Variants in TBCD observed in about 807,000 individuals in gnomAD.
TBCD encodes the protein tubulin folding cofactor D.
In TBCD, 105 loss-of-function variants were observed where a neutral mutation model predicts 169.3. The observed-to-expected ratio is 0.62, with a 90% CI of 0.53 to 0.73. The LOEUF (loss-of-function observed/expected upper bound fraction) is 0.73. Ranked by LOEUF, TBCD falls within the 30% of genes least tolerant of loss-of-function variation. The pLI, the probability that TBCD is intolerant of heterozygous loss-of-function variation, is 0.00. For synonymous variants in TBCD, 700 were observed against 643.9 expected, an observed-to-expected ratio of 1.09 and a Z score of -1.32; for missense variants, 1,444 against 1,600.1, an observed-to-expected ratio of 0.90 and a Z score of 1.66.
At chr17:82,921,197 G>A (rs922142770) in intron 24 of TBCD, 21 of 460,846 alleles carry the variant, frequency 4.6e-5, no homozygotes, top group Admixed American at 3.3e-4. Flanking sequence ...AGCCGGGGGA[G>A]ACCGTTTGAA....
At chr17:82,885,119 T>A (rs2058633028) in intron 15 of TBCD, among the ~76,000 whole-genome samples, 1 of 152,186 alleles carries the variant, frequency 6.6e-6, no homozygotes, top group Admixed American at 6.5e-5. Context: ...CTGTCAGACT[T>A]GGGGGCCAGT....
At chr17:82,841,661 A>G (rs1006568802) in intron 13 of TBCD, among the ~76,000 whole-genome samples, 1 of 152,228 alleles carries the variant, frequency 6.6e-6, no homozygotes, top group Non-Finnish European at 1.5e-5. Flanking sequence ...CCTGGATAGC[A>G]AACTATCCCA....
rs2062021923 is a variant in TBCD, at chr17:82,929,448, A to C, written c.2939A>C (p.Tyr980Ser). ...TQLLGLPTYRYHVLLGLVVSL... is the reference protein window; with the variant it reads ...TQLLGLPTYRSHVLLGLVVSL... Reference sequence around the variant, plus strand: ...CTCCTTGGGCTGCCCACCTACCGCTACCACGTCCTGCTGGGGCTAGTCGTG... The same window carrying C: ...CTCCTTGGGCTGCCCACCTACCGCTCCCACGTCCTGCTGGGGCTAGTCGTG... Residue 980 changes from tyrosine to serine, a missense_variant, in exon 32 of 39, where the codon TAC (tyrosine) becomes TCC (serine). By Grantham distance (144) the Tyr-to-Ser change is moderately radical. Transcript: ENST00000355528. The C allele has an allele frequency of 2.5e-6, 4 of 1,611,700 alleles. No homozygotes were observed. Among genetic ancestry groups the C allele is most frequent in the Non-Finnish European group, 3.4e-6 (4 of 1,179,854 alleles).
At position 82,797,746 on chromosome 17, in the gene TBCD, T is replaced by C; in HGVS notation, c.772-11T>C. The C allele has an allele frequency of 6.4e-7, 1 of 1,557,632 alleles. No homozygotes were observed. The highest frequency in any genetic ancestry group is 8.6e-7 in the Non-Finnish European group (1 of 1,156,892). Reference sequence around the variant, plus strand: ...ATTTGTAACATTAAAAATCTTTTTTTTTTTTTTTAGGCACAAATATTTAAA... The same window carrying C: ...ATTTGTAACATTAAAAATCTTTTTTCTTTTTTTTAGGCACAAATATTTAAA... On this transcript the variant is annotated splice_polypyrimidine_tract_variant and intron_variant, in intron 7 of 38. Coordinates refer to ENST00000355528, the MANE Select transcript of TBCD (RefSeq NM_005993.5).
At chr17:82,850,540 CTGTGCTGTTGTTGGCTGTGCTGT>C (rs2055698516) in intron 13 of TBCD, among the ~76,000 whole-genome samples, 2 of 127,744 alleles carry the variant, frequency 1.6e-5, no homozygotes, top group Non-Finnish European at 3.6e-5. Flanking sequence ...CTGTTGTTAG[CTGTGCTGTTGTTGGCTGTGCTGT>C]TGTTGGCTGT....
At chr17:82,925,465 G>A (rs900176836) in intron 27 of TBCD, among the ~76,000 whole-genome samples, 2 of 152,156 alleles carry the variant, frequency 1.3e-5, no homozygotes, top group African/African-American at 2.4e-5. Flanking sequence ...TCAGCCCCAC[G>A]CTGGCCTCAG....
rs2057848032 is a variant in TBCD at position 82,874,754 on chromosome 17, G to C, written c.1475+4374G>C. Among the ~76,000 whole-genome samples, 1 of 152,236 alleles carries C rather than the reference G, an allele frequency of 6.6e-6. No individual in the cohort carries two copies. The highest frequency in any genetic ancestry group is 1.5e-5 in the Non-Finnish European group (1 of 68,034). On this transcript the variant is annotated intron_variant, in intron 14 of 38. Transcript: ENST00000355528. The surrounding 1 kb of genome is among the most constrained non-coding windows in gnomAD (Gnocchi z 5.0). ...CTGGTGCGAGCCTCCCTGCCCAGGA[G>C]CCCTGCGCACCCGGGTATCGGTTGG...
chr17:82,772,436 T>A lies in TBCD; in HGVS notation c.583-16T>A. 1 of 1,613,890 alleles carries A rather than the reference T, an allele frequency of 6.2e-7. No homozygotes were observed. On this transcript the variant is annotated splice_polypyrimidine_tract_variant and intron_variant, in intron 5 of 38. Transcript: ENST00000355528. Reference sequence around the variant, plus strand: ...GTGCAGGAGTGACCGTGTCTGTGCTTCACCCTTTCTTGCAGTCCTACTTGA... The same window carrying A: ...GTGCAGGAGTGACCGTGTCTGTGCTACACCCTTTCTTGCAGTCCTACTTGA...
At chr17:82,809,859 C>T (rs1299984260) in intron 12 of TBCD, 77 bp downstream of exon 12, 20 of 1,369,716 alleles carry the variant, frequency 1.5e-5, no homozygotes, top group Admixed American at 4.1e-5. Flanking sequence ...TATCCTTTCA[C>T]GCTTGCTTTT....
Position 82,806,192 on chromosome 17 carries a change from C to A in TBCD, c.1087+181C>A, listed in dbSNP as rs957291905. 6.6e-6 allele frequency among the ~76,000 whole-genome samples: 1 copy of A among 152,120 alleles called. No homozygotes were observed. The highest frequency in any genetic ancestry group is 1.5e-5 in the Non-Finnish European group (1 of 68,010). On this transcript the variant is annotated intron_variant, in intron 10 of 38. Transcript: ENST00000355528. The surrounding 1 kb of genome is among the most constrained non-coding windows in gnomAD (Gnocchi z 5.1). ...TCCTGAACCCAGGCCTGTCCCTGACCATGGACAGTCTCTTCCTGTGTGCCG... is the reference window on the plus strand; with the variant it reads ...TCCTGAACCCAGGCCTGTCCCTGACAATGGACAGTCTCTTCCTGTGTGCCG...
chr17:82,786,241 A>G (rs1407771826), intron 7 of TBCD, among the ~76,000 whole-genome samples: 1 of 152,072 alleles, frequency 6.6e-6, no homozygotes, highest in African/African-American at 2.4e-5. Flanking sequence ...CCTCATCCTT[A>G]GAAATTTAAC....
rs368629471 is a variant in TBCD at position 82,884,241 on chromosome 17, G to C, written c.1533+39G>C. 1.0e-5 allele frequency: 16 copies of C among 1,553,662 alleles called. No homozygotes were observed. The highest frequency in any genetic ancestry group is 7.5e-5 in the Admixed American group (4 of 53,040). On this transcript the variant is annotated intron_variant, in intron 15 of 38. Transcript: ENST00000355528. The surrounding 1 kb of genome is among the most constrained non-coding windows in gnomAD (Gnocchi z 4.2). ...TTTTGATATTTCCTTTCCTGAAGGT[G>C]GGGGGTGGGCCTGGTCTCCCTGATG...
At chr17:82,941,200 C>G (rs1335081390) in intron 37 of TBCD, among the ~76,000 whole-genome samples, 199 bp from the exon 38 acceptor site, 1 of 152,258 alleles carries the variant, frequency 6.6e-6, no homozygotes, top group African/African-American at 2.4e-5. Flanking sequence ...TCCTGCGATT[C>G]CGGAAAGGGC....
At chr17:82,855,715 TTCTG>T (rs2056217393) in intron 13 of TBCD, among the ~76,000 whole-genome samples, 1 of 152,212 alleles carries the variant, frequency 6.6e-6, no homozygotes, top group Non-Finnish European at 1.5e-5. Context: ...CAGCTATTAC[TTCTG>T]TCTACTTTTA....
intron 15 of TBCD, among the ~76,000 whole-genome samples, chr17:82,887,164 T>C (rs1202581038): frequency 0.023 from 2,442 of 104,444 alleles, 61 homozygotes; most frequent in African/African-American, 0.093. Flanking sequence ...TGTGTGTGTG[T>C]GTGTGCGCGC....
intron 14 of TBCD, among the ~76,000 whole-genome samples, chr17:82,882,861 G>A (rs1028355520): frequency 5.3e-5 from 8 of 152,200 alleles, no homozygotes; most frequent in Admixed American, 6.5e-5. Flanking sequence ...TGGCAGGGCC[G>A]GCGCCTCACA....
intron 17 of TBCD, among the ~76,000 whole-genome samples, chr17:82,896,453 G>GTTTTTTT (rs1014108505): frequency 5.5e-5 from 5 of 91,426 alleles, no homozygotes; most frequent in African/African-American, 8.9e-5. Flanking sequence ...TGTGCTGTCA[G>GTTTTTTT]TTTTTTTTTT....
intron 6 of TBCD, among the ~76,000 whole-genome samples, chr17:82,777,057 T>C (rs1480191872): frequency 6.6e-6 from 1 of 152,170 alleles, no homozygotes; most frequent in African/African-American, 2.4e-5. Context: ...GTTGGCCTTT[T>C]CCTTTTTTTT....
chr17:82,877,260 T>A (rs940224721), intron 14 of TBCD, among the ~76,000 whole-genome samples: 5 of 152,242 alleles, frequency 3.3e-5, no homozygotes, highest in African/African-American at 1.2e-4. Flanking sequence ...AAACTCTTGT[T>A]CATATGGTAA....
Sources: allele counts gnomAD v4.1 joint callset (sites outside exome capture counted in the v4.1 genomes callset), GRCh38; gene constraint gnomAD v4.1.1; non-coding constraint Gnocchi (gnomAD v3.1); transcripts MANE v1.5; gene names NCBI Gene and HGNC (gene_info 2026-07-23, HGNC 2026-07-21).